Variants in ZNF7 observed in about 807,000 individuals in gnomAD.
The protein encoded by ZNF7 is zinc finger protein 7.
ZNF7 carries 10 observed loss-of-function variants against 12.0 expected under a neutral mutation model. The ratio of observed to expected loss-of-function variants is 0.83; its 90% CI spans 0.51 to 1.42. The LOEUF is 1.42. ZNF7 is among the 40% of genes most tolerant of loss of function. The pLI is 0.00. For synonymous variants in ZNF7, 334 were observed against 295.0 expected, an observed-to-expected ratio of 1.13 and a Z score of -1.35; for missense variants, 854 against 837.2, an observed-to-expected ratio of 1.02 and a Z score of -0.25.
downstream of ZNF7, among the ~76,000 whole-genome samples, chr8:144,844,709 C>CAAAAAAAAAAAAAAAA (rs71320849): frequency 1.1e-5 from 1 of 88,616 alleles, no homozygotes; most frequent in African/African-American, 4.2e-5. Flanking sequence ...GACTCTGTAT[C>CAAAAAAAAAAAAAAAA]AAAAAAAAAA....
chr8:144,844,709 CAAAAAAAAAAAAA>C (rs71320849), downstream of ZNF7, among the ~76,000 whole-genome samples: 7 of 88,618 alleles, frequency 7.9e-5, no homozygotes, highest in African/African-American at 2.1e-4. Flanking sequence ...GACTCTGTAT[CAAAAAAAAAAAAA>C]AAAAAAAAAA....
In ZNF7 at chr8:144,842,150, A is replaced by G; in HGVS notation, c.1043A>G (p.Gln348Arg). ...ECGKAFSQQS[Q>R]LVRHQRTHTG... ...GGGAAAGCCTTCAGCCAGCAGTCGC[A>G]GCTGGTTAGACACCAGAGAACTCAC... is the stretch of plus-strand genomic sequence containing the variant. The change falls in exon 5 of 5, where the codon CAG (glutamine) becomes CGG (arginine). Residue 348 changes from glutamine (Q) to arginine (R), a missense_variant. Physicochemically the swap from Gln to Arg is conservative, Grantham distance 43. Coordinates refer to ENST00000532777, the MANE Select transcript of ZNF7 (RefSeq NM_003416.4). The G allele has an allele frequency of 6.2e-7, 1 of 1,613,806 alleles. No homozygotes were observed. The highest frequency in any genetic ancestry group is 8.5e-7 in the Non-Finnish European group (1 of 1,179,892).
At chr8:144,837,204 G>T in intron 3 of ZNF7, 187 bp from the exon 4 acceptor site, 1 of 478,040 alleles carries the variant, frequency 2.1e-6, no homozygotes, top group South Asian at 3.9e-5. Context: ...GAGGTGGACA[G>T]ATCTGGACAG....
chr8:144,842,593 C>G lies in ZNF7; in HGVS notation c.1486C>G (p.Pro496Ala). 6.2e-7 allele frequency: 1 copy of G among 1,614,202 alleles called. No homozygotes were observed. The highest frequency in any genetic ancestry group is 2.2e-5 in the East Asian group (1 of 44,882). ...QHQRIHTGEK[P>A]YVCNDCGKAF... ...TCAGCGAATCCACACTGGAGAGAAA[C>G]CCTATGTGTGTAATGACTGTGGAAA... Residue 496 changes from proline to alanine, a missense_variant, in exon 5 of 5, where the codon CCC becomes GCC. Coordinates refer to ENST00000532777, the MANE Select transcript of ZNF7 (RefSeq NM_003416.4).
Position 144,841,787 on chromosome 8 carries a change from A to C in ZNF7, c.680A>C (p.Glu227Ala). ...INTQKISRCQ[E>A]CQKKLSDCLQ... ...ACACAGAAAATTAGCAGATGTCAAGAATGCCAAAAAAAGTTATCTGACTGC... is the reference window on the plus strand; with the variant it reads ...ACACAGAAAATTAGCAGATGTCAAGCATGCCAAAAAAAGTTATCTGACTGC... The change falls in exon 5 of 5, where the codon GAA becomes GCA. Residue 227 changes from glutamate (E) to alanine (A), a missense_variant. Transcript: ENST00000532777. 6.2e-7 allele frequency: 1 copy of C among 1,614,202 alleles called. No homozygotes were observed. The highest frequency in any genetic ancestry group is 8.5e-7 in the Non-Finnish European group (1 of 1,180,030).
At chr8:144,835,669 G>A (rs1162354966) in intron 3 of ZNF7, 2 of 152,152 alleles carry the variant, frequency 1.3e-5, no homozygotes, top group Non-Finnish European at 2.9e-5. Context: ...GTTGGAGGAT[G>A]TTTTTATTTG....
intron 3 of ZNF7, chr8:144,834,054 G>C (rs1323909850): frequency 6.6e-6 from 1 of 152,212 alleles, no homozygotes; most frequent in Non-Finnish European, 1.5e-5. Flanking sequence ...TGGGATTACA[G>C]GCTTGAGCCA....
In ZNF7 at chr8:144,841,490, C is replaced by G; in HGVS notation, c.383C>G (p.Ser128Cys). 2.5e-6 allele frequency: 4 copies of G among 1,614,158 alleles called. No homozygotes were observed. Among genetic ancestry groups the G allele is most frequent in the Non-Finnish European group, 3.4e-6 (4 of 1,180,048 alleles). ...QNPGFGDVSD[S>C]EVWLDSHLGS... Reference sequence around the variant, plus strand: ...CCTGGCTTTGGAGACGTTTCTGATTCTGAGGTCTGGTTAGACAGTCATCTG... The same window carrying G: ...CCTGGCTTTGGAGACGTTTCTGATTGTGAGGTCTGGTTAGACAGTCATCTG... Residue 128 changes from serine to cysteine, a missense_variant, in exon 5 of 5, where the codon TCT (serine) becomes TGT (cysteine). Transcript: ENST00000532777.
chr8:144,841,806 T>C lies in ZNF7; in HGVS notation c.699T>C (p.Ser233=), dbSNP rs766294573. 4 of 1,614,176 alleles carry C rather than the reference T, an allele frequency of 2.5e-6. No homozygotes were observed. The highest frequency in any genetic ancestry group is 2.5e-6 in the Non-Finnish European group (3 of 1,180,042). The change falls in exon 5 of 5, where the codon TCT becomes TCC. Residue 233 remains serine (S), a synonymous_variant. Coordinates refer to ENST00000532777, the MANE Select transcript of ZNF7 (RefSeq NM_003416.4). The part of the protein sequence containing the change: ...SRCQECQKKL[S]DCLQGKHTNN... ...GTCAAGAATGCCAAAAAAAGTTATC[T>C]GACTGCTTGCAGGGGAAACATACAA...
intron 1 of ZNF7, 67 bp from the exon 2 acceptor site, chr8:144,828,976 C>T (rs1828118691): frequency 5.7e-6 from 9 of 1,570,164 alleles, no homozygotes; most frequent in Non-Finnish European, 7.8e-6. Context: ...GCACAGTACC[C>T]CCTTGATTAG....
intron 1 of ZNF7, chr8:144,828,101 C>T (rs1192719549): frequency 6.6e-6 from 1 of 152,246 alleles, no homozygotes; most frequent in Non-Finnish European, 1.5e-5. Flanking sequence ...CCGGGCATTC[C>T]TACTGTCAGG....
At chr8:144,841,185 C>G (rs946823218) in intron 4 of ZNF7, 170 bp from the exon 5 acceptor site, 4 of 693,962 alleles carry the variant, frequency 5.8e-6, no homozygotes, top group African/African-American at 3.5e-5. Flanking sequence ...TATGAAACCA[C>G]TTTTGAGAAC....
intron 3 of ZNF7, chr8:144,833,761 A>G (rs1304962222): frequency 6.6e-6 from 1 of 152,018 alleles, no homozygotes; most frequent in Non-Finnish European, 1.5e-5. Flanking sequence ...AAGAATACTA[A>G]AAGAATTAAA....
downstream of ZNF7, chr8:144,846,283 T>C (rs115622592): frequency 2.4e-3 from 2,848 of 1,173,792 alleles, 57 homozygotes; most frequent in African/African-American, 0.039. Flanking sequence ...AGCACCTGGA[T>C]TCTCTCTGGA....
Position 144,841,804 on chromosome 8 carries a change from T to A in ZNF7, c.697T>A (p.Ser233Thr). Residue 233 changes from serine (S) to threonine (T), a missense_variant, in exon 5 of 5, where the codon TCT becomes ACT. By Grantham distance (58) the Ser-to-Thr change is moderately conservative (BLOSUM62 1). Transcript: ENST00000532777. ...ATGTCAAGAATGCCAAAAAAAGTTATCTGACTGCTTGCAGGGGAAACATAC... is the reference window on the plus strand; with the variant it reads ...ATGTCAAGAATGCCAAAAAAAGTTAACTGACTGCTTGCAGGGGAAACATAC... ...SRCQECQKKLSDCLQGKHTNN... is the reference protein window; with the variant it reads ...SRCQECQKKLTDCLQGKHTNN... The A allele has an allele frequency of 6.2e-7, 1 of 1,614,154 alleles. No individual in the cohort carries two copies. The highest frequency in any genetic ancestry group is 1.1e-5 in the South Asian group (1 of 91,070).
Position 144,841,685 on chromosome 8 carries a change from G to A in ZNF7, c.578G>A (p.Gly193Glu). 1 of 1,614,156 alleles carries A rather than the reference G, an allele frequency of 6.2e-7. No individual in the cohort carries two copies. Among genetic ancestry groups the A allele is most frequent in the Non-Finnish European group, 8.5e-7 (1 of 1,180,018 alleles). The change falls in exon 5 of 5, where the codon GGG becomes GAG. Residue 193 changes from glycine to glutamate, a missense_variant. Physicochemically the swap from Gly to Glu is moderately conservative, Grantham distance 98 (BLOSUM62 -2). Transcript: ENST00000532777. ...PLESQGESAE[G>E]MSQRCEECGK... ...GAAAGTCAGGGAGAGAGTGCGGAAG[G>A]GATGTCCCAGAGATGCGAGGAGTGT...
intron 3 of ZNF7, 92 bp from the exon 4 acceptor site, chr8:144,837,298 GC>G: frequency 1.8e-6 from 2 of 1,093,956 alleles, no homozygotes; most frequent in East Asian, 4.8e-5. Flanking sequence ...TAGCCCCCCT[GC>G]CCCTTTCCAT....
intron 3 of ZNF7, among the ~76,000 whole-genome samples, chr8:144,833,214 A>AG (rs1292098313): frequency 1.3e-5 from 2 of 151,082 alleles, no homozygotes; most frequent in Non-Finnish European, 2.9e-5. Flanking sequence ...AAAAAAAAAA[A>AG]AGACTATCTC....
At chr8:144,847,218 G>A (rs1830558903), downstream of ZNF7, 1 of 152,234 alleles carries the variant, frequency 6.6e-6, no homozygotes, top group South Asian at 2.1e-4. Context: ...ATGGGGTAGT[G>A]CAGGTGCTAG....
Sources: gnomAD v4.1 joint callset for allele counts (sites outside exome capture counted in the v4.1 genomes callset) on GRCh38, gnomAD v4.1.1 for gene constraint, MANE v1.5 for transcripts, NCBI Gene and HGNC (gene_info 2026-07-23, HGNC 2026-07-21) for gene names.